The following CRIM1 variants were observed in gnomAD, a reference collection of about 807,000 sequenced individuals.
The protein encoded by CRIM1 is cysteine rich transmembrane BMP regulator 1.
In CRIM1, 32 loss-of-function variants were observed where a neutral mutation model predicts 116.4. The ratio of observed to expected loss-of-function variants is 0.27; its 90% CI spans 0.21 to 0.37. CRIM1 has a LOEUF of 0.37. Among genes scored for constraint, CRIM1 ranks in the 10% least tolerant of loss-of-function variants. CRIM1 has a pLI of 1.00. For synonymous variants in CRIM1, 590 were observed against 509.2 expected (o/e 1.16, Z -2.13); for missense variants, 1,331 against 1,354.8 (o/e 0.98, Z 0.28).
In CRIM1 at chr2:36,479,591, C is replaced by T; in HGVS notation, c.1269C>T (p.Phe423=). 3 of 1,614,260 alleles carry T rather than the reference C, an allele frequency of 1.9e-6. No homozygotes were observed. Among genetic ancestry groups the T allele is most frequent in the East Asian group, 4.5e-5 (2 of 44,882 alleles). Residue 423 remains phenylalanine, a synonymous_variant, in exon 7 of 17, where the codon TTC becomes TTT. Transcript: ENST00000280527. ...GGTGGCGGGAAGACGACTGCACATTCTGCCAGTGCGTCAACGGTGAACGCC... is the reference window on the plus strand; with the variant it reads ...GGTGGCGGGAAGACGACTGCACATTTTGCCAGTGCGTCAACGGTGAACGCC... ...GDRWREDDCT[F]CQCVNGERHC...
At chr2:36,444,137 G>A (rs932990583) in intron 4 of CRIM1, among the ~76,000 whole-genome samples, 5 of 152,154 alleles carry the variant, frequency 3.3e-5, no homozygotes, top group South Asian at 2.1e-4. Flanking sequence ...AAACTAAGCC[G>A]GTTGTTAACG....
At chr2:36,412,498 T>G (rs909869454) in intron 2 of CRIM1, among the ~76,000 whole-genome samples, 3 of 152,226 alleles carry the variant, frequency 2.0e-5, no homozygotes, top group Non-Finnish European at 2.9e-5. Flanking sequence ...CATCTGACAG[T>G]TCTGTCACTG....
chr2:36,455,883 G>A (rs1398519833), intron 4 of CRIM1, among the ~76,000 whole-genome samples: 5 of 152,170 alleles, frequency 3.3e-5, no homozygotes, highest in Admixed American at 2.6e-4. Flanking sequence ...CCAGAGCAGT[G>A]CTCTCTGGGG....
At chr2:36,440,458 G>A (rs761077612) in intron 2 of CRIM1, among the ~76,000 whole-genome samples, 12 of 152,144 alleles carry the variant, frequency 7.9e-5, no homozygotes, top group Admixed American at 6.5e-5. Flanking sequence ...GTTCGTATAG[G>A]TCTCTTAAAA....
Position 36,449,895 on chromosome 2 carries a change from T to G in CRIM1, c.869+7160T>G, listed in dbSNP as rs180757040. On this transcript the variant is annotated intron_variant, in intron 4 of 16. Transcript: ENST00000280527. ...TAAAAAAACAAAACAAAAAAAAACC[T>G]TAGAAACAGCAAAATGAAATAAACT... 6.6e-3 allele frequency among the ~76,000 whole-genome samples: 988 copies of G among 150,046 alleles called. 12 individuals are homozygous for G. The highest frequency in any genetic ancestry group is 0.022 in the African/African-American group (885 of 40,748).
At chr2:36,478,218 GA>G (rs888542202) in intron 6 of CRIM1, among the ~76,000 whole-genome samples, 5 of 152,296 alleles carry the variant, frequency 3.3e-5, no homozygotes, top group Admixed American at 3.3e-4. Context: ...TTCCCTACTA[GA>G]GGTTATTTTA....
intron 2 of CRIM1, among the ~76,000 whole-genome samples, chr2:36,399,975 A>G (rs1236449745): frequency 1.3e-5 from 2 of 152,226 alleles, no homozygotes; most frequent in Non-Finnish European, 2.9e-5. Flanking sequence ...TGCCTTTGAA[A>G]AGAGGCTGGC....
At chr2:36,418,277 G>T (rs1356441935) in intron 2 of CRIM1, among the ~76,000 whole-genome samples, 2 of 152,108 alleles carry the variant, frequency 1.3e-5, no homozygotes, top group Non-Finnish European at 2.9e-5. Flanking sequence ...TTTGAGTCCT[G>T]CCTCTCTCAC....
intron 5 of CRIM1, among the ~76,000 whole-genome samples, chr2:36,471,062 G>A (rs1558340041): frequency 6.6e-6 from 1 of 152,184 alleles, no homozygotes; most frequent in South Asian, 2.1e-4. Context: ...ATTAAATGTG[G>A]AACCTGCAGA....
Position 36,356,570 on chromosome 2 carries a change from G to A in CRIM1, c.278G>A (p.Arg93His). ...TCDRGLRCVI[R>H]PPLNGDSLTE... is the part of the protein sequence containing the mutation. ...GACCGGGGGCTGCGTTGTGTCATCCGCCCCCCGCTCAATGGCGACTCCCTC... is the reference window on the plus strand; with the variant it reads ...GACCGGGGGCTGCGTTGTGTCATCCACCCCCCGCTCAATGGCGACTCCCTC... The change falls in exon 1 of 17, where the codon CGC becomes CAC. Residue 93 changes from arginine to histidine, a missense_variant. Physicochemically the swap from Arg to His is conservative, Grantham distance 29. Transcript: ENST00000280527. This position sits in a 1 kb window ranked among gnomAD's most constrained non-coding sequence, Gnocchi z 4.3. 5.0e-6 allele frequency: 8 copies of A among 1,612,102 alleles called. No homozygotes were observed. The highest frequency in any genetic ancestry group is 5.9e-6 in the Non-Finnish European group (7 of 1,179,732).
intron 2 of CRIM1, among the ~76,000 whole-genome samples, chr2:36,408,373 C>G (rs1171450981): frequency 6.6e-6 from 1 of 152,148 alleles, no homozygotes; most frequent in Non-Finnish European, 1.5e-5. Flanking sequence ...TCCCAGGGCT[C>G]GGCGTGTGCT....
chr2:36,429,708 G>A (rs759724985), intron 2 of CRIM1, among the ~76,000 whole-genome samples: 13 of 152,222 alleles, frequency 8.5e-5, no homozygotes, highest in Non-Finnish European at 1.8e-4. Context: ...ACGGTGCCTA[G>A]ACAGCAGCAT....
rs945523965 is a variant in CRIM1, at chr2:36,548,919, C to G, written c.*218C>G. 3.0e-6 allele frequency: 1 copy of G among 332,670 alleles called. No homozygotes were observed. Among genetic ancestry groups the G allele is most frequent in the Non-Finnish European group, 5.4e-6 (1 of 184,028 alleles). The allele number at this position is 332,670 out of a possible 1,614,324, so 20.6% of individuals were successfully genotyped here. The stretch of plus-strand genomic sequence containing the variant: ...AACTGACCAAGTGTTTTCTTAGAAC[C>G]AAAGTTTTTAAAGTTGCTAAGATAT... On this transcript the variant is annotated 3_prime_UTR_variant, in exon 17 of 17. Coordinates refer to ENST00000280527, the MANE Select transcript of CRIM1 (RefSeq NM_016441.3).
intron 7 of CRIM1, among the ~76,000 whole-genome samples, chr2:36,496,973 T>C (rs1680644333): frequency 1.3e-5 from 2 of 152,196 alleles, no homozygotes; most frequent in African/African-American, 4.8e-5. Context: ...TTTGTAAAAG[T>C]TGGACGATGG....
In CRIM1 at chr2:36,547,456, C is replaced by T. The variant is rs564508615; in HGVS notation, c.2934+285C>T. 4.9e-4 allele frequency among the ~76,000 whole-genome samples: 75 copies of T among 152,242 alleles called. No individual in the cohort carries two copies. The Middle Eastern group carries it at 0.017, about 35-fold the overall frequency. ...GAAGTTTTCAAATGAACAAATACTC[C>T]TGGATTTATTCCTAAATCATTGTTT... On this transcript the variant is annotated intron_variant, in intron 16 of 16. Coordinates refer to ENST00000280527, the MANE Select transcript of CRIM1 (RefSeq NM_016441.3).
At chr2:36,405,104 A>G (rs1393980920) in intron 2 of CRIM1, among the ~76,000 whole-genome samples, 1 of 152,174 alleles carries the variant, frequency 6.6e-6, no homozygotes. Context: ...CAGTAAACAA[A>G]TCTTTAGTAT....
chr2:36,523,178 A>G (rs1665529935), intron 13 of CRIM1, among the ~76,000 whole-genome samples: 1 of 152,122 alleles, frequency 6.6e-6, no homozygotes, highest in Non-Finnish European at 1.5e-5. Flanking sequence ...TAGAAACACC[A>G]AGTCTCATAT....
chr2:36,398,736 A>G (rs1449276255), intron 2 of CRIM1, among the ~76,000 whole-genome samples: 1 of 152,254 alleles, frequency 6.6e-6, no homozygotes, highest in Non-Finnish European at 1.5e-5. Context: ...ATAAAGTACC[A>G]GGCAGTATGT....
chr2:36,530,286 G>A (rs1316301328), intron 13 of CRIM1, among the ~76,000 whole-genome samples: 1 of 152,028 alleles, frequency 6.6e-6, no homozygotes, highest in Non-Finnish European at 1.5e-5. Context: ...TTGAAAATCA[G>A]TCATCATCTT....
Sources: gnomAD v4.1 joint callset for allele counts (sites outside exome capture counted in the v4.1 genomes callset) on GRCh38, gnomAD v4.1.1 for gene constraint, Gnocchi (gnomAD v3.1) non-coding constraint, MANE v1.5 for transcripts, NCBI Gene and HGNC (gene_info 2026-07-23, HGNC 2026-07-21) for gene names.